The following ZNF469 variants were observed in gnomAD, a reference collection of about 807,000 sequenced individuals.
ZNF469 encodes the protein zinc finger protein 469.
ZNF469 carries 1 observed loss-of-function variant against 1.0 expected under a neutral mutation model. The ratio of observed to expected loss-of-function variants is 1.00; its 90% CI spans 0.35 to 4.73. The LOEUF (loss-of-function observed/expected upper bound fraction) is 4.73. ZNF469 is among the 30% of genes most tolerant of loss of function. ZNF469 has a pLI of 0.16. For synonymous variants in ZNF469, 2,703 were observed against 2,363.4 expected (o/e 1.14, Z -4.17); for missense variants, 6,100 against 5,356.3 (o/e 1.14, Z -4.33).
chr16:88,202,583 G>C, the ZNF469 span, among the ~76,000 whole-genome samples: 30,386 of 152,192 alleles, frequency 0.2, 3,770 homozygotes, highest in Non-Finnish European at 0.29. Context: ...ACCGCAGGAA[G>C]CACATCTGGT....
At chr16:88,271,179 G>A in the ZNF469 span, among the ~76,000 whole-genome samples, 1 of 151,376 alleles carries the variant, frequency 6.6e-6, no homozygotes, top group Non-Finnish European at 1.5e-5. Flanking sequence ...TCGAGCCCAG[G>A]CCTGGCTTCC....
chr16:88,381,007 C>G (rs540676034), upstream of ZNF469, among the ~76,000 whole-genome samples: 35 of 147,704 alleles, frequency 2.4e-4, 2 homozygotes, highest in African/African-American at 8.0e-4. Context: ...TGCACTCACA[C>G]ACATGCGCTC....
At chr16:88,285,053 G>T in the ZNF469 span, among the ~76,000 whole-genome samples, 24 of 152,248 alleles carry the variant, frequency 1.6e-4, no homozygotes, top group African/African-American at 5.8e-4. Context: ...TCCCAGGCTA[G>T]GGGGAGGCGC....
chr16:88,183,061 C>G, the ZNF469 span, among the ~76,000 whole-genome samples: 3 of 152,168 alleles, frequency 2.0e-5, no homozygotes, highest in South Asian at 4.1e-4. Context: ...ATATAATCCA[C>G]TAAAAAGTAG....
At chr16:88,147,683 G>T in the ZNF469 span, among the ~76,000 whole-genome samples, 1 of 152,082 alleles carries the variant, frequency 6.6e-6, no homozygotes, top group Non-Finnish European at 1.5e-5. Flanking sequence ...GAGTCCCTGG[G>T]CAGCTGCTTG....
chr16:88,157,702 C>A, the ZNF469 span, among the ~76,000 whole-genome samples: 1 of 152,216 alleles, frequency 6.6e-6, no homozygotes, highest in African/African-American at 2.4e-5. Flanking sequence ...GCCCAGCTCC[C>A]CGCTCCTGGT....
chr16:88,271,040 C>T, the ZNF469 span, among the ~76,000 whole-genome samples: 6 of 152,306 alleles, frequency 3.9e-5, no homozygotes, highest in East Asian at 1.2e-3. Flanking sequence ...CAGTTGTTCA[C>T]TGTGTGACTT....
At chr16:88,331,237 CCAT>C in the ZNF469 span, among the ~76,000 whole-genome samples, 220 of 143,692 alleles carry the variant, frequency 1.5e-3, no homozygotes, top group Non-Finnish European at 2.8e-3. Context: ...ACCATCACCA[CCAT>C]CACCATCGTC....
intron 1 of ZNF469, among the ~76,000 whole-genome samples, chr16:88,388,890 G>A (rs1313395976): frequency 6.7e-6 from 1 of 150,232 alleles, no homozygotes; most frequent in Non-Finnish European, 1.5e-5. Context: ...GGGGAGCTGG[G>A]TGCCAGGGCC....
At chr16:88,365,452 C>G in the ZNF469 span, among the ~76,000 whole-genome samples, 1 of 152,074 alleles carries the variant, frequency 6.6e-6, no homozygotes, top group African/African-American at 2.4e-5. Flanking sequence ...CAGAAGGGGC[C>G]AAGCACCCAT....
the ZNF469 span, among the ~76,000 whole-genome samples, chr16:88,109,437 G>A: frequency 6.6e-6 from 1 of 152,258 alleles, no homozygotes; most frequent in African/African-American, 2.4e-5. Flanking sequence ...AGCCTCCGAT[G>A]TCACGTGGAT....
rs562450123 is a variant in ZNF469 at position 88,420,034 on chromosome 16, C to T, written c.-191-4773C>T. ...CAGGTTCAGCTCTCAGCCATGCTGT[C>T]CTTCCCCAGTGCCATGTCTGGAAAG... On this transcript the variant is annotated intron_variant, in intron 1 of 2. Transcript: ENST00000565624. 8.5e-5 allele frequency among the ~76,000 whole-genome samples: 13 copies of T among 152,316 alleles called. No individual in the cohort carries two copies. In the South Asian group the frequency reaches 2.5e-3, roughly 29 times the overall value.
chr16:88,267,437 C>T, the ZNF469 span, among the ~76,000 whole-genome samples: 16 of 152,238 alleles, frequency 1.1e-4, no homozygotes, highest in Non-Finnish European at 2.1e-4. Flanking sequence ...TCCGTTCAGA[C>T]GTGGTGAGGA....
At chr16:88,134,830 T>C in the ZNF469 span, among the ~76,000 whole-genome samples, 1 of 152,262 alleles carries the variant, frequency 6.6e-6, no homozygotes, top group Non-Finnish European at 1.5e-5. Flanking sequence ...GTATATTATT[T>C]TAAAATTTTA....
At chr16:88,311,397 C>A in the ZNF469 span, among the ~76,000 whole-genome samples, 1 of 152,194 alleles carries the variant, frequency 6.6e-6, no homozygotes, top group Non-Finnish European at 1.5e-5. Flanking sequence ...TACATTTACA[C>A]AGCACTCCCA....
the ZNF469 span, among the ~76,000 whole-genome samples, chr16:88,333,863 A>AGTGTGTGTGTGTGT: frequency 1.2e-3 from 164 of 141,002 alleles, no homozygotes; most frequent in Middle Eastern, 3.6e-3. Flanking sequence ...GGGCAGTTGC[A>AGTGTGTGTGTGTGT]GTGTGTGTGT....
At chr16:88,116,299 G>A in the ZNF469 span, among the ~76,000 whole-genome samples, 2 of 152,192 alleles carry the variant, frequency 1.3e-5, no homozygotes, top group East Asian at 1.9e-4. Context: ...AGGACGGCCA[G>A]CACAGAACCG....
the ZNF469 span, among the ~76,000 whole-genome samples, chr16:88,168,215 G>A: frequency 7.2e-5 from 11 of 152,224 alleles, no homozygotes; most frequent in Admixed American, 1.3e-4. This position sits in a 1 kb window ranked among gnomAD's most constrained non-coding sequence, Gnocchi z 4.3. Context: ...TCAAAAGACT[G>A]AAGTTTGGTC....
At chr16:88,347,289 C>G in the ZNF469 span, among the ~76,000 whole-genome samples, 1 of 152,284 alleles carries the variant, frequency 6.6e-6, no homozygotes, top group African/African-American at 2.4e-5. Flanking sequence ...CCCCCACACC[C>G]GTGCACGGGC....
Sources: allele counts gnomAD v4.1 joint callset (sites outside exome capture counted in the v4.1 genomes callset), GRCh38; gene constraint gnomAD v4.1.1; non-coding constraint Gnocchi (gnomAD v3.1); transcripts MANE v1.5; gene names NCBI Gene and HGNC (gene_info 2026-07-23, HGNC 2026-07-21).